The following ANKH variants were observed in gnomAD, a reference collection of about 807,000 sequenced individuals.
ANKH encodes the protein ANKH inorganic pyrophosphate transport regulator.
ANKH carries 15 observed loss-of-function variants against 49.0 expected under a neutral mutation model. The ratio of observed to expected loss-of-function variants is 0.31; its 90% CI spans 0.20 to 0.47. ANKH has a LOEUF of 0.47. ANKH is among the 20% of genes least tolerant of loss of function. ANKH has a pLI of 1.00. For missense variants in ANKH, 429 were observed against 652.0 expected (o/e 0.66, Z 3.72); for synonymous variants, 273 against 260.0 (o/e 1.05, Z -0.48).
intron 1 of ANKH, among the ~76,000 whole-genome samples, chr5:14,798,728 A>G (rs1351699100): frequency 6.6e-6 from 1 of 152,150 alleles, no homozygotes; most frequent in Non-Finnish European, 1.5e-5. Context: ...CTGCACCCAT[A>G]TTAGATGGCA....
At chr5:14,771,475 C>T (rs1326242182) in intron 1 of ANKH, among the ~76,000 whole-genome samples, 2 of 152,206 alleles carry the variant, frequency 1.3e-5, no homozygotes, top group African/African-American at 4.8e-5. Context: ...CTGGACTTCC[C>T]TGTATGTAAG....
Position 14,787,895 on chromosome 5 carries a change from T to C in ANKH, c.97-18704A>G, listed in dbSNP as rs141154413. On this transcript the variant is annotated intron_variant, in intron 1 of 11. Coordinates refer to ENST00000284268, the MANE Select transcript of ANKH (RefSeq NM_054027.6). Reference sequence around the variant, plus strand: ...CCATGACGCTCCCAAACCCACACCTTTGGCCATGAGAAAAGAGGAACCTTC... The same window carrying C: ...CCATGACGCTCCCAAACCCACACCTCTGGCCATGAGAAAAGAGGAACCTTC... Among the ~76,000 whole-genome samples the C allele has an allele frequency of 4.2e-3, 640 of 152,304 alleles. 1 individual carries two copies. The highest frequency in any genetic ancestry group is 0.01 in the Middle Eastern group (3 of 294).
At chr5:14,758,972 C>T (rs1284647507) in intron 2 of ANKH, among the ~76,000 whole-genome samples, 3 of 152,158 alleles carry the variant, frequency 2.0e-5, no homozygotes, top group African/African-American at 7.2e-5. Flanking sequence ...ATCAGCTTGC[C>T]CAGTCTCCTA....
At chr5:14,716,996 ACT>A (rs1485280783) in intron 8 of ANKH, 161 bp from the exon 9 acceptor site, 5 of 848,738 alleles carry the variant, frequency 5.9e-6, no homozygotes, top group Non-Finnish European at 9.3e-6. Context: ...TGCTTGCTTG[ACT>A]CTCTTCTGAC....
At chr5:14,793,838 C>T (rs533727651) in intron 1 of ANKH, among the ~76,000 whole-genome samples, 2 of 152,334 alleles carry the variant, frequency 1.3e-5, no homozygotes, top group South Asian at 4.1e-4. Flanking sequence ...AGTAAATCCT[C>T]TCCCTCTTCA....
In ANKH at chr5:14,707,660, C is replaced by T. The variant is rs1429072811; in HGVS notation, c.*3537G>A. 5.9e-5 allele frequency: 9 copies of T among 152,170 alleles called. No individual in the cohort carries two copies. The highest frequency in any genetic ancestry group is 1.2e-4 in the Non-Finnish European group (8 of 68,056). The allele number at this position is 152,170 out of a possible 1,614,324, so 9.4% of individuals were successfully genotyped here. A position where few individuals can be genotyped will look rare whatever the true frequency, so the allele number is the denominator to read the frequency against. ...CATCCTGGGCCCCCCACCCCCTGCA[C>T]CTCCCAAGGTTATTTATTGGGAAGA... On this transcript the variant is annotated 3_prime_UTR_variant, in exon 12 of 12. Transcript: ENST00000284268.
At chr5:14,803,133 A>C (rs1461395624) in intron 1 of ANKH, among the ~76,000 whole-genome samples, 5 of 152,228 alleles carry the variant, frequency 3.3e-5, no homozygotes, top group Non-Finnish European at 5.9e-5. Context: ...TGGTGTGTGC[A>C]TACTGGGCTG....
At chr5:14,870,130 T>C (rs1459346888) in intron 1 of ANKH, 1 of 152,134 alleles carries the variant, frequency 6.6e-6, no homozygotes, top group Non-Finnish European at 1.5e-5. Context: ...TCAAAGGACA[T>C]TGGCTGGCGC....
rs1262146772 is a variant in ANKH at position 14,813,435 on chromosome 5, T to C, written c.97-44244A>G. ...GCCACAGAGAAATGTTAAGTTCCAA[T>C]GGCTCTTAAAGAGTTATTTTGACCA... On this transcript the variant is annotated intron_variant, in intron 1 of 11. Coordinates refer to ENST00000284268, the MANE Select transcript of ANKH (RefSeq NM_054027.6). Among the ~76,000 whole-genome samples, 14 of 151,974 alleles carry C rather than the reference T, an allele frequency of 9.2e-5. 2 individuals are homozygous for C. The South Asian group carries it at 2.5e-3, about 27-fold the overall frequency.
chr5:14,717,574 TAGTA>T (rs1022593833), intron 8 of ANKH, among the ~76,000 whole-genome samples: 29 of 152,096 alleles, frequency 1.9e-4, no homozygotes, highest in African/African-American at 7.0e-4. Flanking sequence ...GAAGTCAAGT[TAGTA>T]AGCAATCCAT....
At chr5:14,803,335 A>G (rs532994628) in intron 1 of ANKH, among the ~76,000 whole-genome samples, 2 of 152,298 alleles carry the variant, frequency 1.3e-5, no homozygotes, top group Admixed American at 1.3e-4. Flanking sequence ...GCTGGAGTGC[A>G]GTGGTGCGAT....
intron 1 of ANKH, among the ~76,000 whole-genome samples, chr5:14,823,771 A>T (rs1741261852): frequency 6.6e-6 from 1 of 152,178 alleles, no homozygotes; most frequent in Non-Finnish European, 1.5e-5. Context: ...CACTAAAAAT[A>T]TAAAAATTAG....
chr5:14,704,954 G>A lies in ANKH; in HGVS notation c.*6243C>T, dbSNP rs1286354586. The A allele has an allele frequency of 6.6e-6, 1 of 152,146 alleles. No individual in the cohort carries two copies. Among genetic ancestry groups the A allele is most frequent in the African/African-American group, 2.4e-5 (1 of 41,412 alleles). The allele number at this position is 152,146 out of a possible 1,614,324, so 9.4% of individuals were successfully genotyped here. On this transcript the variant is annotated 3_prime_UTR_variant, in exon 12 of 12. Coordinates refer to ENST00000284268, the MANE Select transcript of ANKH (RefSeq NM_054027.6). The stretch of plus-strand genomic sequence containing the variant: ...AACTTCCATCTGTTAGATACATAAA[G>A]AGCACTTCCTTAAAAGCGACATGTA...
chr5:14,770,047 C>T lies in ANKH; in HGVS notation c.97-856G>A, dbSNP rs80108728. Among the ~76,000 whole-genome samples the T allele has an allele frequency of 0.019, 2,948 of 152,218 alleles. 89 individuals are homozygous for T. Among genetic ancestry groups the T allele is most frequent in the African/African-American group, 0.068 (2,828 of 41,504 alleles). On this transcript the variant is annotated intron_variant, in intron 1 of 11. Transcript: ENST00000284268. This position sits in a 1 kb window ranked among gnomAD's most constrained non-coding sequence, Gnocchi z 4.1. ...GGAATGGATGTCCAGGTAGAGAGAG[C>T]TTTCTGACTAAAATGCCTCTAGAAC... is the stretch of plus-strand genomic sequence containing the variant.
At chr5:14,830,533 G>C (rs1561074697) in intron 1 of ANKH, among the ~76,000 whole-genome samples, 2 of 151,684 alleles carry the variant, frequency 1.3e-5, no homozygotes, top group Non-Finnish European at 2.9e-5. Context: ...GTGTGTGTGT[G>C]TGTGTCTGTG....
chr5:14,863,164 G>C (rs1172786232), intron 1 of ANKH, among the ~76,000 whole-genome samples: 1 of 152,144 alleles, frequency 6.6e-6, no homozygotes, highest in South Asian at 2.1e-4. Context: ...CCACTAACCA[G>C]TTGACTGGCA....
chr5:14,768,011 C>G (rs1454533806), intron 2 of ANKH, among the ~76,000 whole-genome samples: 2 of 152,170 alleles, frequency 1.3e-5, no homozygotes, highest in Admixed American at 1.3e-4. Context: ...GGTCCATCAG[C>G]AGATGCGCTC....
intron 6 of ANKH, among the ~76,000 whole-genome samples, chr5:14,747,887 C>T (rs546420995): frequency 3.3e-5 from 5 of 152,294 alleles, no homozygotes; most frequent in African/African-American, 7.2e-5. Context: ...ACCTCTCCCA[C>T]GGCTCCCCTT....
In ANKH at chr5:14,768,540, T is replaced by G. The variant is rs549033315; in HGVS notation, c.313+435A>C. 22 of 243,058 alleles carry G rather than the reference T, an allele frequency of 9.1e-5. No homozygotes were observed. In the East Asian group the frequency reaches 2.3e-3, roughly 25 times the overall value. The allele number at this position is 243,058 out of a possible 1,614,324, so 15.1% of individuals were successfully genotyped here. Reference sequence around the variant, plus strand: ...TGTCTTTGAATAAAATAGAATAAGATCCTAGAACAAATTAATAAATAGAAC... The same window carrying G: ...TGTCTTTGAATAAAATAGAATAAGAGCCTAGAACAAATTAATAAATAGAAC... On this transcript the variant is annotated intron_variant, in intron 2 of 11. Coordinates refer to ENST00000284268, the MANE Select transcript of ANKH (RefSeq NM_054027.6).
Sources: gnomAD v4.1 joint callset for allele counts (sites outside exome capture counted in the v4.1 genomes callset) on GRCh38, gnomAD v4.1.1 for gene constraint, Gnocchi (gnomAD v3.1) non-coding constraint, MANE v1.5 for transcripts, NCBI Gene and HGNC (gene_info 2026-07-23, HGNC 2026-07-21) for gene names.